SNX29: variants seen among roughly 807,000 people sequenced by gnomAD.
SNX29 encodes sorting nexin-29.
In SNX29, 78 loss-of-function variants were observed where a neutral mutation model predicts 102.1. The observed-to-expected ratio is 0.76, with a 90% CI of 0.64 to 0.92. The LOEUF is 0.92. Ranked by LOEUF, SNX29 falls within the 40% of genes least tolerant of loss-of-function variation. The pLI, the probability that SNX29 is intolerant of heterozygous loss-of-function variation, is 0.00. For synonymous variants in SNX29, 580 were observed against 414.5 expected (o/e 1.40, Z -4.85); for missense variants, 1,280 against 1,061.7 (o/e 1.21, Z -2.86).
chr16:12,174,681 G>T (rs1422343823), intron 13 of SNX29, among the ~76,000 whole-genome samples: 1 of 152,178 alleles, frequency 6.6e-6, no homozygotes, highest in Non-Finnish European at 1.5e-5. Flanking sequence ...TTGTTCAAGG[G>T]AATAGGTTTA....
intron 15 of SNX29, among the ~76,000 whole-genome samples, chr16:12,304,110 A>C (rs2080264256): frequency 2.6e-5 from 4 of 152,120 alleles, no homozygotes; most frequent in Admixed American, 2.0e-4. Context: ...CCCAGGCCTA[A>C]GTAGCAGGAA....
At chr16:12,178,782 AC>A (rs2076318290) in intron 13 of SNX29, among the ~76,000 whole-genome samples, 1 of 152,104 alleles carries the variant, frequency 6.6e-6, no homozygotes, top group Non-Finnish European at 1.5e-5. Context: ...TTTTCTTTGT[AC>A]AGTTGTGCAT....
At chr16:12,159,903 C>A (rs2141656980) in intron 13 of SNX29, among the ~76,000 whole-genome samples, 1 of 152,252 alleles carries the variant, frequency 6.6e-6, no homozygotes, top group African/African-American at 2.4e-5. Flanking sequence ...TCTTTGTAGC[C>A]CTAGAATCTT....
intron 8 of SNX29, 22 bp downstream of exon 8, chr16:12,052,244 A>T: frequency 6.2e-7 from 1 of 1,613,062 alleles, no homozygotes; most frequent in South Asian, 1.1e-5. Context: ...TGTAAGGTGG[A>T]GTCTCACCGT....
intron 18 of SNX29, among the ~76,000 whole-genome samples, chr16:12,454,254 C>G (rs1040481893): frequency 4.6e-5 from 7 of 152,184 alleles, no homozygotes; most frequent in Non-Finnish European, 8.8e-5. Flanking sequence ...AACTCTGCAG[C>G]TAAGATCGCA....
chr16:12,543,603 G>C (rs560115491), intron 20 of SNX29, among the ~76,000 whole-genome samples: 94 of 152,282 alleles, frequency 6.2e-4, no homozygotes, highest in African/African-American at 2.2e-3. Flanking sequence ...CATCCTCCCC[G>C]ATGGAGTGGG....
At chr16:12,564,905 G>A (rs1008897192) in intron 20 of SNX29, among the ~76,000 whole-genome samples, 74 of 145,778 alleles carry the variant, frequency 5.1e-4, no homozygotes, top group African/African-American at 1.6e-3. Flanking sequence ...GGAGGCATCT[G>A]CAGCAGGGAC....
chr16:12,338,660 C>A (rs2081524026), intron 15 of SNX29, among the ~76,000 whole-genome samples: 1 of 152,164 alleles, frequency 6.6e-6, no homozygotes, highest in South Asian at 2.1e-4. Flanking sequence ...ATACTATATC[C>A]CCATAGGCAA....
intron 18 of SNX29, among the ~76,000 whole-genome samples, chr16:12,468,959 A>T (rs1455969637): frequency 6.6e-6 from 1 of 152,260 alleles, no homozygotes; most frequent in Non-Finnish European, 1.5e-5. Context: ...GTCCAGAGAC[A>T]GTAGAGCATG....
chr16:12,446,357 C>T (rs1488200034), intron 18 of SNX29, among the ~76,000 whole-genome samples: 1 of 152,128 alleles, frequency 6.6e-6, no homozygotes, highest in Non-Finnish European at 1.5e-5. Context: ...TGCCTGGCCC[C>T]ATTTGTTTTT....
At chr16:12,044,029 C>T (rs1424024540) in intron 5 of SNX29, among the ~76,000 whole-genome samples, 2 of 152,230 alleles carry the variant, frequency 1.3e-5, no homozygotes, top group East Asian at 3.8e-4. Context: ...CCTGGGGTTA[C>T]AGGCGTGAGC....
intron 20 of SNX29, among the ~76,000 whole-genome samples, chr16:12,544,668 C>A (rs770262149): frequency 1.3e-5 from 2 of 152,210 alleles, no homozygotes; most frequent in African/African-American, 4.8e-5. Flanking sequence ...CTCATGAAGC[C>A]TTTGAGAGCG....
intron 13 of SNX29, among the ~76,000 whole-genome samples, chr16:12,173,848 G>A (rs1407102327): frequency 1.3e-5 from 2 of 152,162 alleles, no homozygotes; most frequent in Non-Finnish European, 2.9e-5. Context: ...GTGCAGTGGT[G>A]CGATCTCAGC....
intron 10 of SNX29, among the ~76,000 whole-genome samples, chr16:12,069,722 G>A (rs555641776): frequency 7.2e-5 from 11 of 152,176 alleles, no homozygotes; most frequent in South Asian, 4.1e-4. Context: ...AGACAGTCTC[G>A]CTGTGTTGCC....
In SNX29 at chr16:12,078,507, C is replaced by T. The variant is rs62038866; in HGVS notation, c.1320-326C>T. 2.4e-3 allele frequency among the ~76,000 whole-genome samples: 366 copies of T among 152,208 alleles called. 1 individual carries two copies. Among genetic ancestry groups the T allele is most frequent in the Admixed American group, 4.1e-3 (63 of 15,292 alleles). ...AGACAGCAAAGAGGATGCTTGTTTA[C>T]GGTGTGAGATCTGAGGTCCCAGCTG... On this transcript the variant is annotated intron_variant, in intron 10 of 20. Transcript: ENST00000566228.
chr16:12,115,836 G>T (rs973095523), intron 11 of SNX29, among the ~76,000 whole-genome samples: 1 of 152,170 alleles, frequency 6.6e-6, no homozygotes, highest in Non-Finnish European at 1.5e-5. Context: ...GCCCACTGAC[G>T]GAGAAGTGAG....
chr16:12,046,850 C>T (rs2050109487), intron 6 of SNX29, among the ~76,000 whole-genome samples: 1 of 152,200 alleles, frequency 6.6e-6, no homozygotes, highest in Non-Finnish European at 1.5e-5. Context: ...AAATCCTGGG[C>T]TCAAGTGATC....
chr16:12,434,877 C>T (rs1452056831), intron 18 of SNX29, among the ~76,000 whole-genome samples: 4 of 150,384 alleles, frequency 2.7e-5, no homozygotes, highest in Non-Finnish European at 4.4e-5. Flanking sequence ...ACAGACGTTA[C>T]AGACGTCTGT....
intron 15 of SNX29, among the ~76,000 whole-genome samples, chr16:12,287,860 C>G (rs1021203206): frequency 6.6e-6 from 1 of 152,158 alleles, no homozygotes; most frequent in African/African-American, 2.4e-5. Flanking sequence ...AGTTGAAGAA[C>G]CTGGGTTGTT....
Sources: allele counts gnomAD v4.1 joint callset (sites outside exome capture counted in the v4.1 genomes callset), GRCh38; gene constraint gnomAD v4.1.1; transcripts MANE v1.5; gene names NCBI Gene and HGNC (gene_info 2026-07-23, HGNC 2026-07-21).